Variants in VPS13B observed in about 807,000 individuals in gnomAD.
The protein encoded by VPS13B is intermembrane lipid transfer protein VPS13B.
Under a neutral mutation model 426.4 loss-of-function variants are expected in VPS13B, and 285 were observed. That is an observed-to-expected ratio of 0.67 (90% CI 0.61 to 0.74). The LOEUF is 0.74. Ranked by LOEUF, VPS13B falls within the 30% of genes least tolerant of loss-of-function variation. VPS13B has a pLI of 0.00. For synonymous variants in VPS13B, 1,676 were observed against 1,676.4 expected, an observed-to-expected ratio of 1.00 and a Z score of 0.01; for missense variants, 4,537 against 4,782.6, an observed-to-expected ratio of 0.95 and a Z score of 1.51.
chr8:99,341,641 TAC>T (rs1024190360), intron 19 of VPS13B: 1 of 263,710 alleles, frequency 3.8e-6, no homozygotes, highest in African/African-American at 2.3e-5. Context: ...GCACCTGTAT[TAC>T]AGTGTACGTG....
At chr8:99,172,607 A>G (rs1234717521) in intron 16 of VPS13B, among the ~76,000 whole-genome samples, 1 of 152,134 alleles carries the variant, frequency 6.6e-6, no homozygotes, top group Non-Finnish European at 1.5e-5. Context: ...ATCTTCTGTT[A>G]ATCAGTTTTG....
At chr8:99,697,864 G>A in intron 35 of VPS13B, 1 of 548,984 alleles carries the variant, frequency 1.8e-6, no homozygotes, top group Non-Finnish European at 3.5e-6. Flanking sequence ...AGAATGGCAA[G>A]GTCAACATCA....
At chr8:99,567,157 C>T (rs562531398) in intron 31 of VPS13B, among the ~76,000 whole-genome samples, 1 of 152,202 alleles carries the variant, frequency 6.6e-6, no homozygotes, top group African/African-American at 2.4e-5. Context: ...TTCTAATGTT[C>T]TCTTCTCTGA....
In VPS13B at chr8:99,877,193, TAAG is replaced by T. The variant is rs1181942623; in HGVS notation, c.*1531_*1533del. The stretch of plus-strand genomic sequence containing the variant: ...ATCTTTAACTCTCACATGTTGGGCA[TAAG>T]AAGTCACTATATAATTGTTACTGGA... On this transcript the variant is annotated 3_prime_UTR_variant, in exon 62 of 62. Transcript: ENST00000357162. 1 of 152,234 alleles carries T rather than the reference TAAG, an allele frequency of 6.6e-6. No homozygotes were observed. The highest frequency in any genetic ancestry group is 1.9e-4 in the East Asian group (1 of 5,198). 9.4% of individuals were successfully genotyped at this position (152,234 alleles called of 1,614,324 possible). A position where few individuals can be genotyped will look rare whatever the true frequency, so the allele number is the denominator to read the frequency against.
At chr8:99,430,636 T>A (rs1364824050) in intron 21 of VPS13B, among the ~76,000 whole-genome samples, 1 of 152,142 alleles carries the variant, frequency 6.6e-6, no homozygotes, top group Admixed American at 6.6e-5. Context: ...GAATATTACA[T>A]TTCATTTTAT....
At chr8:99,520,866 A>G in intron 29 of VPS13B, 33 bp from the exon 30 acceptor site, 1 of 1,545,714 alleles carries the variant, frequency 6.5e-7, no homozygotes, top group South Asian at 1.1e-5. Context: ...ACAGATCCAC[A>G]GTGTATTCAT....
At chr8:99,801,090 G>A (rs985817836) in intron 43 of VPS13B, among the ~76,000 whole-genome samples, 1 of 152,142 alleles carries the variant, frequency 6.6e-6, no homozygotes, top group South Asian at 2.1e-4. Context: ...TGTCTCTCAC[G>A]TATCAATCCC....
chr8:99,526,638 A>G (rs1320281888), intron 30 of VPS13B, among the ~76,000 whole-genome samples: 1 of 152,228 alleles, frequency 6.6e-6, no homozygotes, highest in African/African-American at 2.4e-5. Context: ...GGAAAACCGT[A>G]GGAAGATTTG....
chr8:99,325,560 G>A (rs1215836887), intron 19 of VPS13B, among the ~76,000 whole-genome samples: 3 of 152,122 alleles, frequency 2.0e-5, no homozygotes, highest in Non-Finnish European at 4.4e-5. Flanking sequence ...ATTATTCAAA[G>A]CAACCTTAGC....
chr8:99,459,147 G>A lies in VPS13B; in HGVS notation c.3446-8267G>A, dbSNP rs7005107. ...AGACTTTTTTTAACGTCTAGCATAT[G>A]GTCTGTTTGGGAGATTGTTGCGTAG... On this transcript the variant is annotated intron_variant, in intron 23 of 61. Transcript: ENST00000357162. Among the ~76,000 whole-genome samples the A allele has an allele frequency of 1.7e-3, 256 of 152,178 alleles. 1 individual carries two copies. The highest frequency in any genetic ancestry group is 5.9e-3 in the African/African-American group (247 of 41,530).
At chr8:99,720,693 C>A in intron 38 of VPS13B, 141 bp downstream of exon 38, 1 of 1,124,788 alleles carries the variant, frequency 8.9e-7, no homozygotes, top group Non-Finnish European at 1.3e-6. Flanking sequence ...CATTATCATT[C>A]AATCTCTCTT....
intron 39 of VPS13B, among the ~76,000 whole-genome samples, chr8:99,757,325 G>A (rs971095496): frequency 3.3e-5 from 5 of 152,138 alleles, no homozygotes; most frequent in Non-Finnish European, 5.9e-5. Flanking sequence ...GAGCAGACCT[G>A]ATAGGCTACA....
chr8:99,251,470 G>A (rs1239773448), intron 17 of VPS13B, among the ~76,000 whole-genome samples: 2 of 151,982 alleles, frequency 1.3e-5, no homozygotes, highest in African/African-American at 4.8e-5. Context: ...TTGCATTGAT[G>A]TTTTTCAGCA....
At chr8:99,238,917 T>A (rs1816773067) in intron 17 of VPS13B, among the ~76,000 whole-genome samples, 2 of 152,104 alleles carry the variant, frequency 1.3e-5, no homozygotes, top group Non-Finnish European at 2.9e-5. Context: ...AACATCTTTT[T>A]CCCCTCTCCA....
intron 30 of VPS13B, among the ~76,000 whole-genome samples, chr8:99,526,146 C>T (rs1342732119): frequency 1.3e-5 from 2 of 151,982 alleles, no homozygotes; most frequent in Non-Finnish European, 2.9e-5. Flanking sequence ...TAGAGATATA[C>T]ATTTAAAAAG....
chr8:99,657,179 T>C (rs1327988640), intron 34 of VPS13B, among the ~76,000 whole-genome samples: 1 of 152,120 alleles, frequency 6.6e-6, no homozygotes, highest in Non-Finnish European at 1.5e-5. Context: ...ACTCCTAAGC[T>C]TGGTGCCAGA....
intron 19 of VPS13B, among the ~76,000 whole-genome samples, chr8:99,380,641 G>A (rs904714853): frequency 1.3e-5 from 2 of 151,860 alleles, no homozygotes; most frequent in Non-Finnish European, 2.9e-5. Flanking sequence ...TCTGTGGAAA[G>A]CTTTGAAAAA....
intron 17 of VPS13B, among the ~76,000 whole-genome samples, chr8:99,203,929 A>G (rs564097095): frequency 6.6e-6 from 1 of 152,336 alleles, no homozygotes; most frequent in African/African-American, 2.4e-5. Flanking sequence ...AAATGGCCAT[A>G]CTGCCCAAAA....
At chr8:99,848,144 G>A (rs1816077332) in intron 54 of VPS13B, among the ~76,000 whole-genome samples, 1 of 152,196 alleles carries the variant, frequency 6.6e-6, no homozygotes, top group Non-Finnish European at 1.5e-5. Flanking sequence ...TTGTTCCACT[G>A]TCTGGCACCT....
Sources: allele counts gnomAD v4.1 joint callset (sites outside exome capture counted in the v4.1 genomes callset), GRCh38; gene constraint gnomAD v4.1.1; transcripts MANE v1.5; gene names NCBI Gene and HGNC (gene_info 2026-07-23, HGNC 2026-07-21).